PARD3: variants seen among roughly 807,000 people sequenced by gnomAD.
PARD3 encodes the protein partitioning defective 3 homolog.
PARD3 carries 75 observed loss-of-function variants against 155.4 expected under a neutral mutation model. That is an observed-to-expected ratio of 0.48 (90% CI 0.40 to 0.58). PARD3 has a LOEUF of 0.58. PARD3 is among the 20% of genes least tolerant of loss of function. The probability of loss-of-function intolerance (pLI) is 0.00; values close to 1 mark genes in which losing one functional copy is unlikely to be tolerated. For missense variants in PARD3, 1,642 were observed against 1,721.7 expected (o/e 0.95, Z 0.82); for synonymous variants, 576 against 610.5 (o/e 0.94, Z 0.83).
intron 1 of PARD3, among the ~76,000 whole-genome samples, chr10:34,712,354 C>A (rs765724329): frequency 6.6e-6 from 1 of 152,228 alleles, no homozygotes; most frequent in Non-Finnish European, 1.5e-5. Flanking sequence ...GCAAGCTTCA[C>A]AACCATCAGC....
In PARD3 at chr10:34,450,412, T is replaced by A; in HGVS notation, c.619A>T (p.Ser207Cys). The change falls in exon 5 of 25, where the codon AGT (serine) becomes TGT (cysteine). Residue 207 changes from serine (S) to cysteine (C), a missense_variant. Transcript: ENST00000374788. ...CTCTGAAATTGGTTAGACCAGTTACTAGTATCCCGCGGGAGGCTTCTGTAG... is the reference window on the plus strand; with the variant it reads ...CTCTGAAATTGGTTAGACCAGTTACAAGTATCCCGCGGGAGGCTTCTGTAG... ...ENYRSLPRDT[S>C]NWSNQFQRDN... 1 of 1,613,856 alleles carries A rather than the reference T, an allele frequency of 6.2e-7. No individual in the cohort carries two copies. The highest frequency in any genetic ancestry group is 8.5e-7 in the Non-Finnish European group (1 of 1,179,864).
intron 1 of PARD3, among the ~76,000 whole-genome samples, chr10:34,794,745 C>T (rs1018330162): frequency 6.6e-6 from 1 of 152,226 alleles, no homozygotes; most frequent in Non-Finnish European, 1.5e-5. Flanking sequence ...AATATGAACA[C>T]AAACTACTTC....
At chr10:34,560,691 C>G (rs183843241) in intron 2 of PARD3, among the ~76,000 whole-genome samples, 16 of 152,298 alleles carry the variant, frequency 1.1e-4, no homozygotes, top group Admixed American at 1.0e-3. Context: ...GGGAGCCTGT[C>G]TCCTGTAATT....
intron 1 of PARD3, among the ~76,000 whole-genome samples, chr10:34,796,481 G>A (rs1254070847): frequency 6.6e-6 from 1 of 151,986 alleles, no homozygotes; most frequent in African/African-American, 2.4e-5. Flanking sequence ...ATCAACTTGG[G>A]GTTAAGTGTT....
At chr10:34,331,924 A>G (rs1835660755) in intron 18 of PARD3, among the ~76,000 whole-genome samples, 2 of 152,214 alleles carry the variant, frequency 1.3e-5, no homozygotes, top group African/African-American at 2.4e-5. Context: ...GGCAGCAGGC[A>G]GAAACCCAAC....
rs1300517445 is a variant in PARD3 at position 34,517,159 on chromosome 10, G to C, written c.223C>G (p.Leu75Val). 6.2e-7 allele frequency: 1 copy of C among 1,611,636 alleles called. No individual in the cohort carries two copies. Among genetic ancestry groups the C allele is most frequent in the Admixed American group, 1.7e-5 (1 of 59,334 alleles). ...TCCTGCTCATCAAACACTGCTACCA[G>C]CTAGAAATGAAAGGTAAATGTGCAC... ...LCDVADDKDR[L>V]VAVFDEQDPH... Residue 75 changes from leucine to valine, a missense_variant and splice_region_variant, in exon 3 of 25, where the codon CTG (leucine) becomes GTG (valine). Physicochemically the swap from Leu to Val is conservative, Grantham distance 32. Around this residue, in one of 3 missense-constraint regions of PARD3, gnomAD observed 38 missense variants for 69.1 expected, o/e 0.55. Coordinates refer to ENST00000374788, the MANE Select transcript of PARD3 (RefSeq NM_001184785.2).
At chr10:34,495,873 G>A (rs1270843098) in intron 3 of PARD3, among the ~76,000 whole-genome samples, 3 of 151,334 alleles carry the variant, frequency 2.0e-5, no homozygotes, top group Non-Finnish European at 4.4e-5. Flanking sequence ...CCGTGAGGAT[G>A]TGGCCCCAGA....
At chr10:34,574,282 TG>T (rs2086713325) in intron 2 of PARD3, among the ~76,000 whole-genome samples, 1 of 152,210 alleles carries the variant, frequency 6.6e-6, no homozygotes, top group Non-Finnish European at 1.5e-5. Context: ...TTATCTTAAT[TG>T]TGCCAATCCT....
chr10:34,174,702 TA>T (rs1458705836), intron 22 of PARD3, among the ~76,000 whole-genome samples: 1 of 152,234 alleles, frequency 6.6e-6, no homozygotes, highest in African/African-American at 2.4e-5. Flanking sequence ...TCTATGAGTC[TA>T]CAGAGGTGCC....
intron 1 of PARD3, among the ~76,000 whole-genome samples, chr10:34,812,532 A>G (rs569993215): frequency 6.6e-6 from 1 of 152,334 alleles, no homozygotes; most frequent in South Asian, 2.1e-4. Flanking sequence ...AGTAAGAAAG[A>G]CTAAAAATTA....
At chr10:34,557,539 T>C (rs1300403424) in intron 2 of PARD3, among the ~76,000 whole-genome samples, 4 of 152,088 alleles carry the variant, frequency 2.6e-5, no homozygotes, top group African/African-American at 9.7e-5. Context: ...AGTGCAATGG[T>C]GCAATCTCGG....
In PARD3 at chr10:34,631,319, G is replaced by A. The variant is rs945671228; in HGVS notation, c.222+64999C>T. Among the ~76,000 whole-genome samples, 9 of 152,114 alleles carry A rather than the reference G, an allele frequency of 5.9e-5. No individual in the cohort carries two copies. In the South Asian group the frequency reaches 8.3e-4, roughly 14 times the overall value. On this transcript the variant is annotated intron_variant, in intron 2 of 24. Coordinates refer to ENST00000374788, the MANE Select transcript of PARD3 (RefSeq NM_001184785.2). ...CATACGGCCCGAAAAGGTCCGTGAC[G>A]TCAAGGCAAGTACATTGATTGAAGT...
chr10:34,779,890 T>A (rs1033137879), intron 1 of PARD3, among the ~76,000 whole-genome samples: 2 of 152,218 alleles, frequency 1.3e-5, no homozygotes, highest in Non-Finnish European at 2.9e-5. Context: ...ACAGGCAAAT[T>A]CCTTGGTGAT....
intron 22 of PARD3, among the ~76,000 whole-genome samples, chr10:34,222,342 G>A (rs771540189): frequency 1.3e-5 from 2 of 152,192 alleles, no homozygotes; most frequent in Non-Finnish European, 2.9e-5. Context: ...GTGGCTTAAG[G>A]ACAACTAAGG....
chr10:34,567,707 G>A (rs1038021163), intron 2 of PARD3, among the ~76,000 whole-genome samples: 3 of 152,288 alleles, frequency 2.0e-5, no homozygotes, highest in East Asian at 3.9e-4. Context: ...TTTTAAAGTA[G>A]TAATGACATT....
intron 12 of PARD3, among the ~76,000 whole-genome samples, chr10:34,361,375 A>C (rs1264085846): frequency 6.6e-6 from 1 of 152,246 alleles, no homozygotes; most frequent in Non-Finnish European, 1.5e-5. Flanking sequence ...TTATAATTGA[A>C]GAATAAGAAA....
chr10:34,597,286 T>C (rs185639233), intron 2 of PARD3, among the ~76,000 whole-genome samples: 1 of 151,832 alleles, frequency 6.6e-6, no homozygotes, highest in East Asian at 1.9e-4. Flanking sequence ...CTTTTTTTTG[T>C]TTTTGTTTAT....
chr10:34,430,287 A>G (rs1051801258), intron 5 of PARD3, among the ~76,000 whole-genome samples: 1 of 152,156 alleles, frequency 6.6e-6, no homozygotes, highest in African/African-American at 2.4e-5. Flanking sequence ...CTGATCATAC[A>G]CTCCAAATTT....
rs74131685 is a variant in PARD3, at chr10:34,296,098, A to C, written c.3066-11853T>G. 7.6e-3 allele frequency among the ~76,000 whole-genome samples: 1,163 copies of C among 152,278 alleles called. 13 individuals carry two copies. The highest frequency in any genetic ancestry group is 0.027 in the African/African-American group (1,107 of 41,562). On this transcript the variant is annotated intron_variant, in intron 20 of 24. Transcript: ENST00000374788. ...AAATTCTCTCTACTACAGTATACTT[A>C]TCTCTCTCTGATTTACCTCCACTGC...
Sources: allele counts gnomAD v4.1 joint callset (sites outside exome capture counted in the v4.1 genomes callset), GRCh38; gene constraint gnomAD v4.1.1; regional missense constraint gnomAD v4.1.1; transcripts MANE v1.5; gene names NCBI Gene and HGNC (gene_info 2026-07-23, HGNC 2026-07-21).